NEDD4: variants seen among roughly 807,000 people sequenced by gnomAD.
NEDD4 encodes NEDD4 E3 ubiquitin protein ligase.
Under a neutral mutation model 144.9 loss-of-function variants are expected in NEDD4, and 99 were observed. That is an observed-to-expected ratio of 0.68 (90% CI 0.58 to 0.81). NEDD4 has a LOEUF of 0.81. Ranked by LOEUF, NEDD4 falls within the 30% of genes least tolerant of loss-of-function variation. NEDD4 has a pLI of 0.00. For synonymous variants in NEDD4, 318 were observed against 350.6 expected (o/e 0.91, Z 1.04); for missense variants, 985 against 1,065.9 (o/e 0.92, Z 1.06).
intron 5 of NEDD4, chr15:55,915,732 T>C (rs1308687215): frequency 6.2e-7 from 1 of 1,613,874 alleles, no homozygotes; most frequent in Non-Finnish European, 8.5e-7. Flanking sequence ...AGATGACTTT[T>C]CACAGACAGT....
chr15:55,950,100 A>C (rs1283670639), intron 4 of NEDD4, among the ~76,000 whole-genome samples: 1 of 152,164 alleles, frequency 6.6e-6, no homozygotes, highest in Non-Finnish European at 1.5e-5. Flanking sequence ...AGCAATCAAA[A>C]CCAGACATTA....
At chr15:55,911,685 A>T (rs1324941544) in intron 5 of NEDD4, among the ~76,000 whole-genome samples, 4 of 151,794 alleles carry the variant, frequency 2.6e-5, no homozygotes, top group African/African-American at 9.7e-5. Flanking sequence ...GCGCGCCACC[A>T]TGCCCGGCTA....
chr15:55,912,330 A>G (rs1443571227), intron 5 of NEDD4, among the ~76,000 whole-genome samples: 4 of 152,166 alleles, frequency 2.6e-5, no homozygotes, highest in Non-Finnish European at 1.5e-5. Flanking sequence ...TAATCTTGAG[A>G]TTAGTGTTAA....
At chr15:55,989,038 C>T (rs1362476027) in intron 1 of NEDD4, among the ~76,000 whole-genome samples, 2 of 152,152 alleles carry the variant, frequency 1.3e-5, no homozygotes, top group Admixed American at 6.5e-5. Context: ...GAGTTCGAGA[C>T]CAGCCTGGCC....
At chr15:55,924,528 G>C in intron 5 of NEDD4, 118 bp downstream of exon 5, 1 of 800,026 alleles carries the variant, frequency 1.2e-6, no homozygotes, top group Non-Finnish European at 2.1e-6. Flanking sequence ...TTTGCCCAGA[G>C]TCTCCATAAC....
intron 1 of NEDD4, among the ~76,000 whole-genome samples, chr15:55,980,394 C>T (rs553984988): frequency 2.0e-5 from 3 of 152,012 alleles, no homozygotes; most frequent in Non-Finnish European, 2.9e-5. Flanking sequence ...GCTGTACCCA[C>T]TAAACAGAAG....
At chr15:55,874,182 T>A (rs1352358946) in intron 5 of NEDD4, among the ~76,000 whole-genome samples, 174 bp from the exon 6 acceptor site, 1 of 151,914 alleles carries the variant, frequency 6.6e-6, no homozygotes, top group East Asian at 1.9e-4. Flanking sequence ...AATGGCAGAG[T>A]AGCATATATT....
chr15:55,948,663 A>G (rs2037171974), intron 4 of NEDD4, among the ~76,000 whole-genome samples: 1 of 152,180 alleles, frequency 6.6e-6, no homozygotes, highest in African/African-American at 2.4e-5. Context: ...ATCTACAACC[A>G]TCTGATCTTT....
intron 18 of NEDD4, among the ~76,000 whole-genome samples, chr15:55,844,893 G>C (rs573560296): frequency 6.7e-6 from 1 of 148,784 alleles, no homozygotes; most frequent in South Asian, 2.1e-4. Context: ...GTGCAGCTTT[G>C]AACTCCTGAG....
rs143558835 is a variant in NEDD4 at position 55,977,987 on chromosome 15, A to G, written c.46-11441T>C. ...TGGTAAAGTATAATTGAAAGTGACAACAGCAAATAATGTTACTTATCTTAT... is the reference window on the plus strand; with the variant it reads ...TGGTAAAGTATAATTGAAAGTGACAGCAGCAAATAATGTTACTTATCTTAT... On this transcript the variant is annotated intron_variant, in intron 1 of 28. Transcript: ENST00000435532. 4.1e-4 allele frequency among the ~76,000 whole-genome samples: 62 copies of G among 152,334 alleles called. No homozygotes were observed. In the East Asian group the frequency reaches 0.012, roughly 29 times the overall value.
intron 5 of NEDD4, among the ~76,000 whole-genome samples, chr15:55,878,402 ATAT>A (rs1164835836): frequency 6.6e-6 from 1 of 152,202 alleles, no homozygotes; most frequent in Non-Finnish European, 1.5e-5. Context: ...TAAATGGTAA[ATAT>A]TATATGAAAA....
chr15:55,839,985 AAAAAAAAAAAAAAAATATAT>A (rs2033397340), intron 21 of NEDD4, among the ~76,000 whole-genome samples: 1 of 49,582 alleles, frequency 2.0e-5, no homozygotes, highest in Admixed American at 2.8e-4. Context: ...AAAAAAAAAA[AAAAAAAAAAAAAAAATATAT>A]ATATATATAT....
At chr15:55,857,561 G>A (rs555547337) in intron 11 of NEDD4, among the ~76,000 whole-genome samples, 1 of 152,228 alleles carries the variant, frequency 6.6e-6, no homozygotes, top group East Asian at 1.9e-4. Flanking sequence ...AACCTCATGT[G>A]ATCTGCCTGC....
At chr15:55,928,553 C>T (rs968932034) in intron 4 of NEDD4, among the ~76,000 whole-genome samples, 6 of 152,326 alleles carry the variant, frequency 3.9e-5, no homozygotes, top group African/African-American at 1.4e-4. Flanking sequence ...ACACTGGAAA[C>T]TCACTACTAA....
chr15:55,956,537 C>T (rs1475472959), intron 2 of NEDD4, among the ~76,000 whole-genome samples: 2 of 152,170 alleles, frequency 1.3e-5, no homozygotes, highest in African/African-American at 2.4e-5. Context: ...AAAGACTACC[C>T]TTTCCCTTGA....
chr15:55,884,463 G>A (rs543017905), intron 5 of NEDD4, among the ~76,000 whole-genome samples: 1 of 152,198 alleles, frequency 6.6e-6, no homozygotes, highest in East Asian at 1.9e-4. Flanking sequence ...AAGCACCAGG[G>A]ACCTATCCCA....
Position 55,975,395 on chromosome 15 carries a change from G to A in NEDD4, c.46-8849C>T, listed in dbSNP as rs192976239. On this transcript the variant is annotated intron_variant, in intron 1 of 28. Transcript: ENST00000435532. ...ATAAGCACATTCAGTAAAGTTGCAG[G>A]ATACAAAATCAATACACAAAAAATC... Among the ~76,000 whole-genome samples, 348 of 152,150 alleles carry A rather than the reference G, an allele frequency of 2.3e-3. 2 individuals carry two copies. The highest frequency in any genetic ancestry group is 3.5e-3 in the Non-Finnish European group (240 of 67,998).
intron 22 of NEDD4, 75 bp downstream of exon 22, chr15:55,838,433 AT>A: frequency 1.0e-6 from 1 of 1,001,448 alleles, no homozygotes; most frequent in East Asian, 2.4e-5. Context: ...CTAGGAATGT[AT>A]TAAGTGTACG....
At chr15:55,835,469 C>G (rs977414531) in intron 24 of NEDD4, among the ~76,000 whole-genome samples, 1 of 146,000 alleles carries the variant, frequency 6.8e-6, no homozygotes, top group Non-Finnish European at 1.5e-5. Flanking sequence ...ATTTATAAAC[C>G]ATCCATTCAA....
Sources: gnomAD v4.1 joint callset for allele counts (sites outside exome capture counted in the v4.1 genomes callset) on GRCh38, gnomAD v4.1.1 for gene constraint, MANE v1.5 for transcripts, NCBI Gene and HGNC (gene_info 2026-07-23, HGNC 2026-07-21) for gene names.